CHI3L2: variants seen among roughly 807,000 people sequenced by gnomAD.
CHI3L2 encodes chitinase-3-like protein 2.
A neutral mutation model predicts 47.3 loss-of-function variants in CHI3L2; 47 were observed. The ratio of observed to expected loss-of-function variants is 0.99; its 90% CI spans 0.79 to 1.27. The LOEUF is 1.27. CHI3L2 is among the 50% of genes most tolerant of loss of function. CHI3L2 has a pLI of 0.00. For synonymous variants in CHI3L2, 198 were observed against 169.9 expected (o/e 1.17, Z -1.28); for missense variants, 497 against 462.1 (o/e 1.08, Z -0.69).
chr1:111,242,223 A>G lies in CHI3L2; in HGVS notation c.1036-4A>G, dbSNP rs757500159. The G allele has an allele frequency of 2.6e-5, 42 of 1,613,994 alleles. 1 individual carries two copies. The South Asian group carries it at 3.6e-4, about 14-fold the overall frequency. Reference sequence around the variant, plus strand: ...CTCTGTGTATCCTTCTGTGTCTCCCATAGGTTCAGTTCTTAAAGAATTTAA... The same window carrying G: ...CTCTGTGTATCCTTCTGTGTCTCCCGTAGGTTCAGTTCTTAAAGAATTTAA... On this transcript the variant is annotated splice_polypyrimidine_tract_variant and splice_region_variant and intron_variant, in intron 9 of 10. Coordinates refer to ENST00000369748, the MANE Select transcript of CHI3L2 (RefSeq NM_004000.3).
At chr1:111,235,987 C>A (rs375683929) in intron 6 of CHI3L2, 37 bp from the exon 7 acceptor site, 3 of 1,610,546 alleles carry the variant, frequency 1.9e-6, no homozygotes, top group South Asian at 1.1e-5. Flanking sequence ...TACCACTGCT[C>A]GTCACAAAAT....
intron 9 of CHI3L2, 70 bp downstream of exon 9, chr1:111,241,513 C>A: frequency 1.2e-6 from 1 of 822,736 alleles, no homozygotes; most frequent in Non-Finnish European, 2.1e-6. Flanking sequence ...CCTGAATACT[C>A]TATGTTCAAA....
intron 9 of CHI3L2, among the ~76,000 whole-genome samples, chr1:111,241,924 A>G (rs1482604771): frequency 6.6e-6 from 1 of 152,152 alleles, no homozygotes; most frequent in East Asian, 1.9e-4. Flanking sequence ...GTAATTGACA[A>G]TCCTGGCCAC....
chr1:111,241,600 T>C (rs1660060142), intron 9 of CHI3L2, among the ~76,000 whole-genome samples, 157 bp downstream of exon 9: 1 of 152,138 alleles, frequency 6.6e-6, no homozygotes, highest in South Asian at 2.1e-4. Context: ...AGTGACTCTA[T>C]GTCACACCCG....
At chr1:111,229,477 T>C (rs1449894006) in intron 1 of CHI3L2, among the ~76,000 whole-genome samples, 1 of 150,556 alleles carries the variant, frequency 6.6e-6, no homozygotes, top group African/African-American at 2.5e-5. Flanking sequence ...GGTCAGGAGA[T>C]CGAGACCATC....
At chr1:111,233,568 G>GA (rs1486980764) in intron 4 of CHI3L2, among the ~76,000 whole-genome samples, 2 of 151,988 alleles carry the variant, frequency 1.3e-5, no homozygotes, top group African/African-American at 2.4e-5. Context: ...GAGGGAGGTG[G>GA]GGGGGGTCAG....
rs148838906 is a variant in CHI3L2, at chr1:111,230,203, G to A, written c.70+322G>A. Among the ~76,000 whole-genome samples the A allele has an allele frequency of 1.9e-3, 293 of 151,988 alleles. 1 individual carries two copies. Among genetic ancestry groups the A allele is most frequent in the African/African-American group, 5.8e-3 (242 of 41,418 alleles). ...ATCCATACATACATACTGAATCTTA[G>A]TGCTCCATGGGTGTTTCATATGTTG... On this transcript the variant is annotated intron_variant, in intron 2 of 10. Coordinates refer to ENST00000369748, the MANE Select transcript of CHI3L2 (RefSeq NM_004000.3).
chr1:111,241,328 T>G lies in CHI3L2; in HGVS notation c.920T>G (p.Ile307Ser). Reference sequence around the variant, plus strand: ...TCTCGTTTCCCTTTCCCCTGCCAGATCTGCCAGTTCCTGAAAGGAGCCAAG... The same window carrying G: ...TCTCGTTTCCCTTTCCCCTGCCAGAGCTGCCAGTTCCTGAAAGGAGCCAAG... ...ESSGFLAYYE[I>S]CQFLKGAKIT... is the part of the protein sequence containing the mutation. The change falls in exon 9 of 11, where the codon ATC becomes AGC. Residue 307 changes from isoleucine to serine, a missense_variant and splice_region_variant. Coordinates refer to ENST00000369748, the MANE Select transcript of CHI3L2 (RefSeq NM_004000.3). The G allele has an allele frequency of 6.5e-7, 1 of 1,530,006 alleles. No individual in the cohort carries two copies. Among genetic ancestry groups the G allele is most frequent in the Non-Finnish European group, 9.1e-7 (1 of 1,102,074 alleles). 94.8% of individuals were successfully genotyped at this position (1,530,006 alleles called of 1,614,324 possible). A position where few individuals can be genotyped will look rare whatever the true frequency, so the allele number is the denominator to read the frequency against.
Position 111,241,428 on chromosome 1 carries a change from G to A in CHI3L2, c.1020G>A (p.Lys340=), listed in dbSNP as rs780385171. 1 of 1,587,866 alleles carries A rather than the reference G, an allele frequency of 6.3e-7. No homozygotes were observed. Among genetic ancestry groups the A allele is most frequent in the Non-Finnish European group, 8.7e-7 (1 of 1,155,922 alleles). Reference sequence around the variant, plus strand: ...AGTGGGTGGGCTATGATGATGTGAAGAGTATGGAGACCAAGGTAGGTGGGC... The same window carrying A: ...AGTGGGTGGGCTATGATGATGTGAAAAGTATGGAGACCAAGGTAGGTGGGC... ...GNQWVGYDDV[K]SMETKVQFLK... Residue 340 remains lysine, a synonymous_variant, in exon 9 of 11, where the codon AAG becomes AAA. Transcript: ENST00000369748.
At chr1:111,240,999 C>A (rs1454121307) in intron 8 of CHI3L2, among the ~76,000 whole-genome samples, 1 of 152,178 alleles carries the variant, frequency 6.6e-6, no homozygotes, top group Admixed American at 6.5e-5. Flanking sequence ...ATGTTGAAAG[C>A]ATTATTATAA....
At chr1:111,229,986 C>T in intron 2 of CHI3L2, 105 bp downstream of exon 2, 1 of 1,235,444 alleles carries the variant, frequency 8.1e-7, no homozygotes, top group African/African-American at 1.5e-5. Flanking sequence ...CTTGATTACT[C>T]TCTCCGGTTC....
chr1:111,235,809 T>C, intron 6 of CHI3L2, 46 bp downstream of exon 6: 9 of 1,605,540 alleles, frequency 5.6e-6, no homozygotes, highest in Non-Finnish European at 7.7e-6. Flanking sequence ...TCCAATTTGG[T>C]CCATGCAAAT....
intron 4 of CHI3L2, among the ~76,000 whole-genome samples, chr1:111,231,824 T>C (rs1024457529): frequency 2.0e-5 from 3 of 152,164 alleles, no homozygotes; most frequent in African/African-American, 7.2e-5. Flanking sequence ...AAAATCAAAA[T>C]AGCTATTGAT....
At chr1:111,238,684 G>C in intron 7 of CHI3L2, 66 bp from the exon 8 acceptor site, 16 of 1,543,050 alleles carry the variant, frequency 1.0e-5, no homozygotes, top group Non-Finnish European at 1.4e-5. Flanking sequence ...TTGGGATAGA[G>C]GCTAAAAAAG....
chr1:111,238,146 A>G (rs1659937357), intron 7 of CHI3L2, among the ~76,000 whole-genome samples: 1 of 152,230 alleles, frequency 6.6e-6, no homozygotes, highest in Admixed American at 6.5e-5. Context: ...TACATCTTAC[A>G]TGTACTGACT....
intron 5 of CHI3L2, 76 bp from the exon 6 acceptor site, chr1:111,235,563 A>G: frequency 6.6e-7 from 1 of 1,507,600 alleles, no homozygotes; most frequent in Non-Finnish European, 8.9e-7. Context: ...TAGAAACCTC[A>G]TAGATTCCAG....
intron 5 of CHI3L2, 25 bp downstream of exon 5, chr1:111,235,082 T>C (rs1659839668): frequency 1.2e-6 from 2 of 1,611,466 alleles, no homozygotes; most frequent in Non-Finnish European, 1.7e-6. Flanking sequence ...AAGTAATTCA[T>C]GTGAGTCAGA....
intron 7 of CHI3L2, among the ~76,000 whole-genome samples, chr1:111,238,137 A>G (rs1218699656): frequency 1.3e-5 from 2 of 152,198 alleles, no homozygotes; most frequent in Non-Finnish European, 2.9e-5. Flanking sequence ...GAACCAATGT[A>G]CATCTTACAT....
chr1:111,230,421 T>G (rs1659681061), intron 2 of CHI3L2, among the ~76,000 whole-genome samples: 1 of 152,096 alleles, frequency 6.6e-6, no homozygotes, highest in Non-Finnish European at 1.5e-5. Context: ...ACCTGGCTAA[T>G]TTTTAAATTT....
Sources: gnomAD v4.1 joint callset for allele counts (sites outside exome capture counted in the v4.1 genomes callset) on GRCh38, gnomAD v4.1.1 for gene constraint, MANE v1.5 for transcripts, NCBI Gene and HGNC (gene_info 2026-07-23, HGNC 2026-07-21) for gene names.